MBOAT2: variants seen among roughly 807,000 people sequenced by gnomAD.
MBOAT2 encodes membrane-bound glycerophospholipid O-acyltransferase 2.
MBOAT2 carries 28 observed loss-of-function variants against 63.4 expected under a neutral mutation model. That is an observed-to-expected ratio of 0.44 (90% CI 0.33 to 0.61). MBOAT2 has a LOEUF of 0.61. MBOAT2 is among the 20% of genes least tolerant of loss of function. MBOAT2 has a pLI of 0.03. For synonymous variants in MBOAT2, 211 were observed against 215.6 expected, an observed-to-expected ratio of 0.98 and a Z score of 0.19; for missense variants, 470 against 605.8, an observed-to-expected ratio of 0.78 and a Z score of 2.35.
At chr2:8,889,599 C>T (rs998398609) in intron 4 of MBOAT2, among the ~76,000 whole-genome samples, 1 of 152,178 alleles carries the variant, frequency 6.6e-6, no homozygotes, top group Admixed American at 6.5e-5. Flanking sequence ...ATAAAAATGC[C>T]CTATAATTTC....
intron 2 of MBOAT2, among the ~76,000 whole-genome samples, chr2:8,948,462 CAGTT>C (rs1188560949): frequency 1.3e-5 from 2 of 152,122 alleles, no homozygotes; most frequent in Non-Finnish European, 2.9e-5. Flanking sequence ...TAGTACCCAA[CAGTT>C]AGTTTTTCAA....
At chr2:8,879,606 C>A (rs1197560682) in intron 6 of MBOAT2, among the ~76,000 whole-genome samples, 1 of 152,158 alleles carries the variant, frequency 6.6e-6, no homozygotes, top group Non-Finnish European at 1.5e-5. Context: ...CCATGATTCT[C>A]TGTGGTGGGG....
At chr2:8,912,750 C>T (rs185657341) in intron 3 of MBOAT2, among the ~76,000 whole-genome samples, 3 of 152,224 alleles carry the variant, frequency 2.0e-5, no homozygotes, top group Admixed American at 6.5e-5. Flanking sequence ...ATCAGTATTA[C>T]GGAAATGACC....
intron 4 of MBOAT2, among the ~76,000 whole-genome samples, chr2:8,895,309 T>G (rs1664366124): frequency 6.6e-6 from 1 of 152,120 alleles, no homozygotes; most frequent in South Asian, 2.1e-4. Context: ...TTTTACAGAG[T>G]GCTAATTGGT....
chr2:8,971,737 A>G (rs1357878133), intron 1 of MBOAT2, among the ~76,000 whole-genome samples: 5 of 152,128 alleles, frequency 3.3e-5, no homozygotes, highest in African/African-American at 9.7e-5. Flanking sequence ...ACAAACAGAG[A>G]GCCAAATCAT....
At position 8,867,862 on chromosome 2, in the gene MBOAT2, C is replaced by T. The variant is rs182716720; in HGVS notation, c.987+584G>A. Among the ~76,000 whole-genome samples, 145 of 152,308 alleles carry T rather than the reference C, an allele frequency of 9.5e-4. 1 individual carries two copies. The highest frequency in any genetic ancestry group is 2.3e-3 in the South Asian group (11 of 4,828). ...TCCTTCTAAAACACCTATATGATCA[C>T]CTCACTTGGCTACACATATAATCCA... is the stretch of plus-strand genomic sequence containing the variant. On this transcript the variant is annotated intron_variant, in intron 9 of 12. Coordinates refer to ENST00000305997, the MANE Select transcript of MBOAT2 (RefSeq NM_138799.4).
At chr2:8,938,879 G>C (rs1030420007) in intron 3 of MBOAT2, among the ~76,000 whole-genome samples, 1 of 152,124 alleles carries the variant, frequency 6.6e-6, no homozygotes, top group Non-Finnish European at 1.5e-5. Context: ...AAGAGTCCTC[G>C]TATCTAATTC....
At chr2:8,982,437 C>A (rs980771184) in intron 1 of MBOAT2, among the ~76,000 whole-genome samples, 6 of 152,166 alleles carry the variant, frequency 3.9e-5, no homozygotes, top group African/African-American at 1.4e-4. Context: ...TCTTCGCGAA[C>A]CTTGTCCAAT....
chr2:8,965,122 G>A (rs867882372), intron 1 of MBOAT2, among the ~76,000 whole-genome samples: 3 of 152,076 alleles, frequency 2.0e-5, no homozygotes, highest in African/African-American at 7.2e-5. Context: ...CGAATACATG[G>A]ACACGCATCA....
At chr2:8,945,201 C>T (rs923873553) in intron 2 of MBOAT2, among the ~76,000 whole-genome samples, 18 of 152,160 alleles carry the variant, frequency 1.2e-4, no homozygotes, top group Non-Finnish European at 2.5e-4. Context: ...TGTAAACCTT[C>T]GTTGCTGCAA....
intron 3 of MBOAT2, among the ~76,000 whole-genome samples, chr2:8,922,782 G>A (rs1035462169): frequency 2.0e-5 from 3 of 152,204 alleles, no homozygotes; most frequent in Non-Finnish European, 4.4e-5. Flanking sequence ...AGCCAGGGGT[G>A]TGTGGAGATC....
rs772543319 is a variant in MBOAT2, at chr2:8,858,677, G to A, written c.*2C>T. ...AAAAAACAGCCCTCAGAGCCTTCCC[G>A]ATCACTGCTTTAGTGATGAATGTCT... On this transcript the variant is annotated 3_prime_UTR_variant, in exon 13 of 13. Coordinates refer to ENST00000305997, the MANE Select transcript of MBOAT2 (RefSeq NM_138799.4). 2.7e-5 allele frequency: 43 copies of A among 1,592,450 alleles called. No homozygotes were observed. Among genetic ancestry groups the A allele is most frequent in the African/African-American group, 8.1e-5 (6 of 73,784 alleles).
At chr2:8,880,418 G>C (rs1663025410) in intron 6 of MBOAT2, among the ~76,000 whole-genome samples, 1 of 152,212 alleles carries the variant, frequency 6.6e-6, no homozygotes, top group East Asian at 1.9e-4. Flanking sequence ...AGATGCGGGA[G>C]GAGGAAGGAG....
intron 2 of MBOAT2, among the ~76,000 whole-genome samples, chr2:8,953,584 C>T (rs1021117045): frequency 3.3e-5 from 5 of 152,114 alleles, no homozygotes; most frequent in Admixed American, 1.3e-4. Flanking sequence ...ATAATTTGTA[C>T]ATTTGGTTGC....
intron 1 of MBOAT2, among the ~76,000 whole-genome samples, chr2:8,983,225 C>CA (rs1471291717): frequency 6.6e-6 from 1 of 152,026 alleles, no homozygotes; most frequent in African/African-American, 2.4e-5. Context: ...TTCACAAATA[C>CA]ATATTGTATT....
chr2:8,987,021 C>T (rs1671617430), intron 1 of MBOAT2, among the ~76,000 whole-genome samples: 1 of 152,082 alleles, frequency 6.6e-6, no homozygotes, highest in Non-Finnish European at 1.5e-5. Context: ...CAGACCTTAA[C>T]CTTAAGTAAA....
At chr2:8,968,550 A>G (rs1573199797) in intron 1 of MBOAT2, among the ~76,000 whole-genome samples, 1 of 152,366 alleles carries the variant, frequency 6.6e-6, no homozygotes, top group East Asian at 1.9e-4. Context: ...ACGAGTTGAG[A>G]GAAGAAGGCT....
At chr2:8,943,448 C>T (rs1199125153) in intron 2 of MBOAT2, among the ~76,000 whole-genome samples, 184 bp from the exon 3 acceptor site, 2 of 152,152 alleles carry the variant, frequency 1.3e-5, no homozygotes, top group African/African-American at 4.8e-5. Context: ...CCACAGGCTC[C>T]AGAAGAGCTG....
chr2:8,890,838 T>C (rs970341925), intron 4 of MBOAT2, among the ~76,000 whole-genome samples: 6 of 152,214 alleles, frequency 3.9e-5, no homozygotes, highest in African/African-American at 1.4e-4. Flanking sequence ...ATTTTTAAAA[T>C]ATCAAATAAA....
Sources: gnomAD v4.1 joint callset for allele counts (sites outside exome capture counted in the v4.1 genomes callset) on GRCh38, gnomAD v4.1.1 for gene constraint, MANE v1.5 for transcripts, NCBI Gene and HGNC (gene_info 2026-07-23, HGNC 2026-07-21) for gene names.